The following CALR3 variants were observed in gnomAD, a reference collection of about 807,000 sequenced individuals.
CALR3 encodes the protein calreticulin-3.
A neutral mutation model predicts 48.7 loss-of-function variants in CALR3; 39 were observed. That is an observed-to-expected ratio of 0.80 (90% confidence interval 0.62 to 1.05). The LOEUF (loss-of-function observed/expected upper bound fraction) is 1.05. Ranked by LOEUF, CALR3 falls within the 50% of genes least tolerant of loss-of-function variation. The pLI is 0.00. For missense variants in CALR3, 449 were observed against 474.7 expected (o/e 0.95, Z 0.50); for synonymous variants, 185 against 172.7 (o/e 1.07, Z -0.56).
chr19:16,495,848 A>G lies in CALR3; in HGVS notation c.96T>C (p.His32=), dbSNP rs144355944. ...YFQEEFLDGE[H]WRNRWLQSTN... ...TGGACTGCAACCATCGGTTTCTCCA[A>G]TGCTCTGTGGGGAAGGGGAAATAAC... is the stretch of plus-strand genomic sequence containing the variant. The change falls in exon 2 of 9, where the codon CAT becomes CAC. Residue 32 remains histidine (H), a synonymous_variant. Transcript: ENST00000269881. The G allele has an allele frequency of 9.4e-5, 152 of 1,613,950 alleles. 1 individual carries two copies. The South Asian group carries it at 1.2e-3, about 13-fold the overall frequency.
Position 16,484,178 on chromosome 19 carries a change from CTTTTT to C in CALR3, c.493-68_493-64del. The stretch of plus-strand genomic sequence containing the variant: ...CTCAATTTCTTTTTTCTTTTCTTTT[CTTTTT>C]TTTTTTTTTTTTGAGATGGAGTCTC... On this transcript the variant is annotated intron_variant, in intron 4 of 8. Transcript: ENST00000269881. The C allele has an allele frequency of 1.3e-4, 136 of 1,078,802 alleles. 1 individual carries two copies. Among genetic ancestry groups the C allele is most frequent in the Admixed American group, 3.5e-4 (13 of 36,712 alleles). The allele number at this position is 1,078,802 out of a possible 1,614,324, so 66.8% of individuals were successfully genotyped here. A position where few individuals can be genotyped will look rare whatever the true frequency, so the allele number is the denominator to read the frequency against.
chr19:16,485,123 A>C lies in CALR3; in HGVS notation c.492+40T>G, dbSNP rs757078877. ...CTATTTTTTCTAAACTTAGTCTGGC[A>C]GGAGTTAACACTCATTTATTTGAAT... On this transcript the variant is annotated intron_variant, in intron 4 of 8. Transcript: ENST00000269881. 10 of 1,312,812 alleles carry C rather than the reference A, an allele frequency of 7.6e-6. No homozygotes were observed. In the African/African-American group the frequency reaches 1.4e-4, roughly 19 times the overall value. The allele number at this position is 1,312,812 out of a possible 1,614,324, so 81.3% of individuals were successfully genotyped here. A position where few individuals can be genotyped will look rare whatever the true frequency, so the allele number is the denominator to read the frequency against.
intron 2 of CALR3, among the ~76,000 whole-genome samples, chr19:16,490,833 C>T (rs904985374): frequency 6.6e-6 from 1 of 151,840 alleles, no homozygotes; most frequent in Non-Finnish European, 1.5e-5. Flanking sequence ...TCTCGGCTCA[C>T]TGCAACCTCC....
intron 3 of CALR3, among the ~76,000 whole-genome samples, chr19:16,487,181 ATTG>A (rs952024364): frequency 2.0e-5 from 3 of 151,994 alleles, no homozygotes; most frequent in African/African-American, 4.8e-5. Context: ...AATTTTTAAA[ATTG>A]TTGTAGAGAT....
At chr19:16,485,065 T>C in intron 4 of CALR3, 98 bp downstream of exon 4, 1 of 834,916 alleles carries the variant, frequency 1.2e-6, no homozygotes, top group Non-Finnish European at 2.0e-6. Flanking sequence ...CAAAGACCCA[T>C]CCCTGGCTCA....
chr19:16,491,708 C>T lies in CALR3; in HGVS notation c.194-1138G>A, dbSNP rs1215294989. On this transcript the variant is annotated intron_variant, in intron 2 of 8. Transcript: ENST00000269881. ...AGAAGAATCGCTTAAACCCAGGAGG[C>T]GGAGGTTGCAGTGAGCCGAGATTGC... Among the ~76,000 whole-genome samples the T allele has an allele frequency of 5.4e-5, 8 of 149,468 alleles. No homozygotes were observed. In the East Asian group the frequency reaches 1.5e-3, roughly 28 times the overall value.
intron 2 of CALR3, among the ~76,000 whole-genome samples, chr19:16,491,545 G>C (rs889291661): frequency 1.6e-4 from 24 of 151,484 alleles, no homozygotes; most frequent in African/African-American, 5.3e-4. Flanking sequence ...TTGGGAGGCT[G>C]AGGCAGGCGG....
In CALR3 at chr19:16,495,643, T is replaced by G. The variant is rs117667802; in HGVS notation, c.193+108A>C. The G allele has an allele frequency of 6.3e-4, 508 of 808,434 alleles. 2 individuals are homozygous for G. The East Asian group carries it at 0.012, about 19-fold the overall frequency. The allele number at this position is 808,434 out of a possible 1,614,324, so 50.1% of individuals were successfully genotyped here. On this transcript the variant is annotated intron_variant, in intron 2 of 8. Coordinates refer to ENST00000269881, the MANE Select transcript of CALR3 (RefSeq NM_145046.5). ...AAGTTCTACCTTTGCCTTAATGTCT[T>G]CATCTGTAAAACGGGAATAAAAGCG...
chr19:16,487,901 C>T (rs2093391698), intron 3 of CALR3, among the ~76,000 whole-genome samples: 1 of 151,866 alleles, frequency 6.6e-6, no homozygotes, highest in Non-Finnish European at 1.5e-5. Flanking sequence ...GCAAGCTCCG[C>T]CTCCCAGGTT....
At chr19:16,494,596 A>G (rs1402762786) in intron 2 of CALR3, among the ~76,000 whole-genome samples, 1 of 151,844 alleles carries the variant, frequency 6.6e-6, no homozygotes, top group African/African-American at 2.4e-5. Flanking sequence ...TCCTGACCTC[A>G]TGATCCGCTC....
chr19:16,489,249 C>T (rs1450227169), intron 3 of CALR3, among the ~76,000 whole-genome samples: 1 of 152,182 alleles, frequency 6.6e-6, no homozygotes, highest in Non-Finnish European at 1.5e-5. Context: ...CTTTGGAAGG[C>T]CAAGGTGGGT....
intron 3 of CALR3, among the ~76,000 whole-genome samples, chr19:16,486,712 T>C (rs1053765227): frequency 6.6e-6 from 1 of 152,130 alleles, no homozygotes; most frequent in Non-Finnish European, 1.5e-5. Flanking sequence ...TCTGAGGTTT[T>C]ATGCATAACT....
At chr19:16,495,227 CAAAAAA>C (rs548752979) in intron 2 of CALR3, among the ~76,000 whole-genome samples, 8 of 123,128 alleles carry the variant, frequency 6.5e-5, no homozygotes, top group Admixed American at 1.7e-4. Context: ...CTCCTACTAC[CAAAAAA>C]AAAAAAAAAA....
rs1427781091 is a variant in CALR3 at position 16,484,118 on chromosome 19, G to C, written c.493-3C>G. 6.2e-7 allele frequency: 1 copy of C among 1,611,538 alleles called. No individual in the cohort carries two copies. The highest frequency in any genetic ancestry group is 1.3e-5 in the African/African-American group (1 of 74,410). On this transcript the variant is annotated splice_polypyrimidine_tract_variant and splice_region_variant and intron_variant, in intron 4 of 8. Coordinates refer to ENST00000269881, the MANE Select transcript of CALR3 (RefSeq NM_145046.5). ...TACAGGTGTGTGAAGCCATCAACCT[G>C]CATATTTTAGGGGGAAAAGCGTAAC...
rs750756265 is a variant in CALR3, at chr19:16,479,111, C to T, written c.*20G>A. ...TAGCAATGAGATTTTACCAGTCATCCTTATATCCAATGGGGATCACTAAAG... is the reference window on the plus strand; with the variant it reads ...TAGCAATGAGATTTTACCAGTCATCTTTATATCCAATGGGGATCACTAAAG... On this transcript the variant is annotated 3_prime_UTR_variant, in exon 9 of 9. Coordinates refer to ENST00000269881, the MANE Select transcript of CALR3 (RefSeq NM_145046.5). 6.2e-7 allele frequency: 1 copy of T among 1,613,728 alleles called. No individual in the cohort carries two copies. Among genetic ancestry groups the T allele is most frequent in the African/African-American group, 1.3e-5 (1 of 75,042 alleles).
At chr19:16,479,971 G>T (rs1215742126) in intron 8 of CALR3, among the ~76,000 whole-genome samples, 1 of 149,938 alleles carries the variant, frequency 6.7e-6, no homozygotes, top group Non-Finnish European at 1.5e-5. Context: ...TTGGGAGGCC[G>T]AGGCAGGCAG....
intron 3 of CALR3, among the ~76,000 whole-genome samples, chr19:16,489,346 C>T (rs1030074175): frequency 2.6e-5 from 4 of 151,880 alleles, no homozygotes; most frequent in Non-Finnish European, 4.4e-5. Context: ...TGGCCGGGTG[C>T]AGTGGCTCAC....
chr19:16,490,155 G>C (rs2093395524), intron 3 of CALR3, among the ~76,000 whole-genome samples: 1 of 152,114 alleles, frequency 6.6e-6, no homozygotes, highest in Non-Finnish European at 1.5e-5. Context: ...ACTTCTTCAG[G>C]AACACAACAG....
intron 7 of CALR3, among the ~76,000 whole-genome samples, chr19:16,481,000 C>CA (rs1298924915): frequency 6.6e-6 from 1 of 151,878 alleles, no homozygotes; most frequent in Non-Finnish European, 1.5e-5. Flanking sequence ...ATTAAAAATA[C>CA]AAAAATTACC....
Sources: gnomAD v4.1 joint callset for allele counts (sites outside exome capture counted in the v4.1 genomes callset) on GRCh38, gnomAD v4.1.1 for gene constraint, MANE v1.5 for transcripts, NCBI Gene and HGNC (gene_info 2026-07-23, HGNC 2026-07-21) for gene names.